The following NRG3 variants were observed in gnomAD, a reference collection of about 807,000 sequenced individuals.
The protein encoded by NRG3 is neuregulin 3.
In NRG3, 31 loss-of-function variants were observed where a neutral mutation model predicts 66.9. The observed-to-expected ratio is 0.46, with a 90% CI of 0.35 to 0.63. The LOEUF (loss-of-function observed/expected upper bound fraction) is 0.63, where lower values mean the gene tolerates loss of function less well. NRG3 is among the 20% of genes least tolerant of loss of function. The probability of loss-of-function intolerance (pLI) is 0.00; values close to 1 mark genes in which losing one functional copy is unlikely to be tolerated. For missense variants in NRG3, 910 were observed against 878.9 expected (o/e 1.04, Z -0.45); for synonymous variants, 393 against 359.4 (o/e 1.09, Z -1.06).
intron 1 of NRG3, among the ~76,000 whole-genome samples, chr10:82,236,962 A>C (rs1029040837): frequency 6.6e-6 from 1 of 152,002 alleles, no homozygotes; most frequent in Non-Finnish European, 1.5e-5. Context: ...TGGTCCGCCC[A>C]CCTTGGCCTC....
chr10:82,376,218 G>A (rs959755982), intron 2 of NRG3, among the ~76,000 whole-genome samples: 1 of 152,182 alleles, frequency 6.6e-6, no homozygotes, highest in Non-Finnish European at 1.5e-5. Context: ...CACTTTAGCT[G>A]CAGAGTTGAA....
chr10:82,545,958 C>A (rs974358234), intron 2 of NRG3, among the ~76,000 whole-genome samples: 2 of 149,110 alleles, frequency 1.3e-5, no homozygotes, highest in African/African-American at 4.9e-5. Flanking sequence ...CGGCTAATTT[C>A]AGTAGAGACC....
chr10:82,822,472 A>G (rs963878472), intron 3 of NRG3, among the ~76,000 whole-genome samples: 14 of 152,124 alleles, frequency 9.2e-5, no homozygotes, highest in African/African-American at 2.9e-4. Context: ...TACTCTGGCT[A>G]TTGCCAAGCT....
intron 8 of NRG3, 70 bp downstream of exon 8, chr10:82,979,190 A>C (rs1852595266): frequency 6.8e-7 from 1 of 1,473,904 alleles, no homozygotes; most frequent in Admixed American, 1.8e-5. Context: ...TTAAGTTTTA[A>C]GTTCCTTGGG....
intron 1 of NRG3, among the ~76,000 whole-genome samples, chr10:82,078,702 C>T (rs1054079805): frequency 3.3e-5 from 5 of 152,224 alleles, no homozygotes; most frequent in Non-Finnish European, 7.3e-5. Flanking sequence ...ACAATTATTT[C>T]TCCTGAAGGC....
Position 82,168,615 on chromosome 10 carries a change from A to G in NRG3, c.824-190124A>G, listed in dbSNP as rs150261638. Among the ~76,000 whole-genome samples the G allele has an allele frequency of 1.6e-4, 25 of 152,196 alleles. No individual in the cohort carries two copies. In the East Asian group the frequency reaches 3.5e-3, roughly 21 times the overall value. On this transcript the variant is annotated intron_variant, in intron 1 of 8. Coordinates refer to ENST00000372141, the MANE Select transcript of NRG3 (RefSeq NM_001010848.4). ...TGCAGTCCTCACCTGTGAATGATATACCTCAGTCCTGGGGATTTCTGATTT... is the reference window on the plus strand; with the variant it reads ...TGCAGTCCTCACCTGTGAATGATATGCCTCAGTCCTGGGGATTTCTGATTT...
intron 2 of NRG3, among the ~76,000 whole-genome samples, chr10:82,703,396 G>A (rs1220526341): frequency 6.6e-6 from 1 of 151,990 alleles, no homozygotes; most frequent in Non-Finnish European, 1.5e-5. Context: ...ACCCTAACTT[G>A]GATAATACCA....
At chr10:82,654,694 T>C (rs1565170691) in intron 2 of NRG3, among the ~76,000 whole-genome samples, 1 of 152,174 alleles carries the variant, frequency 6.6e-6, no homozygotes. Context: ...TCAAGGTAAA[T>C]AAAATATGAT....
At chr10:82,721,269 C>G (rs2057301632) in intron 2 of NRG3, among the ~76,000 whole-genome samples, 1 of 148,004 alleles carries the variant, frequency 6.8e-6, no homozygotes, top group Non-Finnish European at 1.5e-5. Flanking sequence ...GTAGCTGGGA[C>G]TACAGGTGCC....
At chr10:82,200,278 G>C (rs1395063858) in intron 1 of NRG3, among the ~76,000 whole-genome samples, 1 of 152,138 alleles carries the variant, frequency 6.6e-6, no homozygotes, top group Non-Finnish European at 1.5e-5. Context: ...CAGTGGTTCA[G>C]TAATACTTAC....
rs184551515 is a variant in NRG3, at chr10:82,527,072, C to T, written c.953+168204C>T. Among the ~76,000 whole-genome samples the T allele has an allele frequency of 4.6e-5, 7 of 152,034 alleles. No homozygotes were observed. The East Asian group carries it at 1.4e-3, about 30-fold the overall frequency. On this transcript the variant is annotated intron_variant, in intron 2 of 8. Transcript: ENST00000372141. ...GAAATTGTCTTTTAGGGCATATATTCAGGAATGTTTCATACCAAGACTATT... is the reference window on the plus strand; with the variant it reads ...GAAATTGTCTTTTAGGGCATATATTTAGGAATGTTTCATACCAAGACTATT...
intron 2 of NRG3, among the ~76,000 whole-genome samples, chr10:82,552,007 C>T (rs1376277897): frequency 6.6e-6 from 1 of 151,958 alleles, no homozygotes; most frequent in East Asian, 1.9e-4. Context: ...ACTGTAGTTT[C>T]CCACAGCCTG....
intron 2 of NRG3, among the ~76,000 whole-genome samples, chr10:82,725,190 G>A (rs1023744459): frequency 1.3e-5 from 2 of 152,178 alleles, no homozygotes; most frequent in Admixed American, 1.3e-4. Context: ...GGAACAATAG[G>A]TCTTTTCTTC....
intron 4 of NRG3, among the ~76,000 whole-genome samples, chr10:82,927,196 G>A (rs1160707692): frequency 6.6e-6 from 1 of 152,148 alleles, no homozygotes; most frequent in Non-Finnish European, 1.5e-5. Context: ...CTGAAGGGTG[G>A]TGGCTTCCAT....
At chr10:82,041,693 G>A (rs1195171194) in intron 1 of NRG3, among the ~76,000 whole-genome samples, 1 of 151,942 alleles carries the variant, frequency 6.6e-6, no homozygotes, top group African/African-American at 2.4e-5. Flanking sequence ...ACCAGGAGGT[G>A]TATGACAAAG....
chr10:82,655,366 A>G (rs766841191), intron 2 of NRG3, among the ~76,000 whole-genome samples: 2 of 152,180 alleles, frequency 1.3e-5, no homozygotes, highest in African/African-American at 2.4e-5. Context: ...ACTGAAAATC[A>G]AAGGATCAAT....
chr10:81,953,757 A>G (rs1849579969), intron 1 of NRG3, among the ~76,000 whole-genome samples: 1 of 152,066 alleles, frequency 6.6e-6, no homozygotes, highest in African/African-American at 2.4e-5. Flanking sequence ...GTTTTTGATG[A>G]CTCCAGTCTC....
chr10:82,804,707 T>A (rs2061204397), intron 3 of NRG3, among the ~76,000 whole-genome samples: 1 of 152,200 alleles, frequency 6.6e-6, no homozygotes, highest in Non-Finnish European at 1.5e-5. Context: ...CCAGTGACTC[T>A]TCTCCATCCG....
rs182507892 is a variant in NRG3, at chr10:81,929,993, C to T, written c.823+53830C>T. Among the ~76,000 whole-genome samples the T allele has an allele frequency of 9.7e-4, 148 of 152,280 alleles. 2 individuals carry two copies. The East Asian group carries it at 0.025, about 25-fold the overall frequency. ...CCCAACTACAGGGGAAAGAGACTTT[C>T]GCACTATATCCCAGAGTCTCTGCTC... On this transcript the variant is annotated intron_variant, in intron 1 of 8. Transcript: ENST00000372141.
Sources: gnomAD v4.1 joint callset for allele counts (sites outside exome capture counted in the v4.1 genomes callset) on GRCh38, gnomAD v4.1.1 for gene constraint, MANE v1.5 for transcripts, NCBI Gene and HGNC (gene_info 2026-07-23, HGNC 2026-07-21) for gene names.